SYT13: variants seen among roughly 807,000 people sequenced by gnomAD.
SYT13 encodes synaptotagmin 13, also known as synaptotagmin-13.
A neutral mutation model predicts 38.6 loss-of-function variants in SYT13; 21 were observed. That is an observed-to-expected ratio of 0.54 (90% confidence interval 0.39 to 0.78). The LOEUF is 0.78. Ranked by LOEUF, SYT13 falls within the 30% of genes least tolerant of loss-of-function variation. The probability of loss-of-function intolerance (pLI) is 0.00; values close to 1 mark genes in which losing one functional copy is unlikely to be tolerated. For synonymous variants in SYT13, 241 were observed against 237.6 expected (o/e 1.01, Z -0.13); for missense variants, 495 against 548.7 (o/e 0.90, Z 0.98).
chr11:45,280,343 AGG>A (rs1036717582), intron 1 of SYT13, among the ~76,000 whole-genome samples: 1 of 152,148 alleles, frequency 6.6e-6, no homozygotes, highest in Non-Finnish European at 1.5e-5. Context: ...GAAAGCAAAC[AGG>A]GCCGAAGAAG....
At chr11:45,285,365 G>C (rs76948023) in intron 1 of SYT13, among the ~76,000 whole-genome samples, 1 of 152,164 alleles carries the variant, frequency 6.6e-6, no homozygotes, top group African/African-American at 2.4e-5. Flanking sequence ...AGACATCTTG[G>C]GGGAGGCCAT....
rs542812336 is a variant in SYT13, at chr11:45,246,249, AGCATG to A, written c.976+129_976+133del. 1.4e-4 allele frequency: 182 copies of A among 1,304,798 alleles called. 3 individuals are homozygous for A. The South Asian group carries it at 2.5e-3, about 18-fold the overall frequency. 80.8% of individuals were successfully genotyped at this position (1,304,798 alleles called of 1,614,324 possible). ...GAACTTAGGGTGAAGAACACCGCTGAGCATGGCTCCGTAGATGTGCTCATATTCCA... is the reference window on the plus strand; with the variant it reads ...GAACTTAGGGTGAAGAACACCGCTGAGCTCCGTAGATGTGCTCATATTCCA... On this transcript the variant is annotated intron_variant, in intron 5 of 5. Transcript: ENST00000020926.
At chr11:45,244,394 G>A (rs775859007) in intron 5 of SYT13, 38 bp from the exon 6 acceptor site, 5 of 1,583,136 alleles carry the variant, frequency 3.2e-6, no homozygotes, top group Non-Finnish European at 3.4e-6. Context: ...ACAGAGAGAA[G>A]GGACAAGAGT....
chr11:45,266,823 A>G (rs954351678), intron 1 of SYT13, among the ~76,000 whole-genome samples: 17 of 152,150 alleles, frequency 1.1e-4, no homozygotes, highest in Admixed American at 8.5e-4. Context: ...CACCCAACCA[A>G]TTGTGTCCTA....
intron 2 of SYT13, among the ~76,000 whole-genome samples, chr11:45,255,077 C>T (rs1300492606): frequency 6.6e-6 from 1 of 152,032 alleles, no homozygotes; most frequent in Admixed American, 6.6e-5. Context: ...GATCATGCCA[C>T]TGAACTCCAG....
intron 1 of SYT13, among the ~76,000 whole-genome samples, chr11:45,276,798 C>A (rs1266097444): frequency 1.3e-5 from 2 of 152,012 alleles, no homozygotes; most frequent in African/African-American, 4.8e-5. Context: ...TCATACATTG[C>A]TGGTGGAGAT....
At chr11:45,255,116 A>T (rs369654086) in intron 2 of SYT13, among the ~76,000 whole-genome samples, 230 of 151,928 alleles carry the variant, frequency 1.5e-3, no homozygotes, top group African/African-American at 5.4e-3. Flanking sequence ...ACCCCATCTC[A>T]AAAAAAATGT....
In SYT13 at chr11:45,255,804, C is replaced by T. The variant is rs556474039; in HGVS notation, c.271G>A (p.Ala91Thr). The change falls in exon 2 of 6, where the codon GCT becomes ACT. Residue 91 changes from alanine (A) to threonine (T), a missense_variant. Transcript: ENST00000020926. Reference protein sequence around the residue: ...DIYGPRPAVTAPEVINYADYS... With the variant: ...DIYGPRPAVTTPEVINYADYS... ...TCTGCATAGTTGATGACCTCTGGAG[C>T]CGTCACAGCTGGCCTGGGTCCATAG... is the stretch of plus-strand genomic sequence containing the variant. 6.2e-7 allele frequency: 1 copy of T among 1,614,190 alleles called. No homozygotes were observed. Among genetic ancestry groups the T allele is most frequent in the African/African-American group, 1.3e-5 (1 of 75,044 alleles).
intron 1 of SYT13, among the ~76,000 whole-genome samples, chr11:45,276,836 A>C (rs1272893477): frequency 6.6e-6 from 1 of 152,212 alleles, no homozygotes; most frequent in East Asian, 1.9e-4. Context: ...TGTGGAAAGC[A>C]GTTTAGCGAT....
chr11:45,263,019 A>G (rs555657624), intron 1 of SYT13, among the ~76,000 whole-genome samples: 2 of 152,222 alleles, frequency 1.3e-5, no homozygotes, highest in South Asian at 2.1e-4. Flanking sequence ...GCAGTGACTC[A>G]GTAATGCCCC....
rs765276634 is a variant in SYT13 at position 45,255,903 on chromosome 11, A to G, written c.184-12T>C. 1 of 1,613,600 alleles carries G rather than the reference A, an allele frequency of 6.2e-7. No homozygotes were observed. Among genetic ancestry groups the G allele is most frequent in the Non-Finnish European group, 8.5e-7 (1 of 1,179,666 alleles). On this transcript the variant is annotated splice_polypyrimidine_tract_variant and intron_variant, in intron 1 of 5. Transcript: ENST00000020926. Reference sequence around the variant, plus strand: ...TTTTTAACATTGAACTGCAAACACAAATTACTCTGATTAGTCCACAAAGGA... The same window carrying G: ...TTTTTAACATTGAACTGCAAACACAGATTACTCTGATTAGTCCACAAAGGA...
At chr11:45,264,666 C>T (rs569672319) in intron 1 of SYT13, among the ~76,000 whole-genome samples, 38 of 152,304 alleles carry the variant, frequency 2.5e-4, no homozygotes, top group African/African-American at 8.9e-4. Flanking sequence ...TCTGACCCCA[C>T]AGAAACTGAG....
At chr11:45,262,248 A>G (rs1854825994) in intron 1 of SYT13, among the ~76,000 whole-genome samples, 1 of 152,210 alleles carries the variant, frequency 6.6e-6, no homozygotes, top group African/African-American at 2.4e-5. Context: ...ATTCCACTCA[A>G]ATGAAATACT....
intron 5 of SYT13, among the ~76,000 whole-genome samples, chr11:45,245,773 T>A (rs1854606879): frequency 6.6e-6 from 1 of 152,184 alleles, no homozygotes; most frequent in Middle Eastern, 3.2e-3. Context: ...TTTGGGTATA[T>A]GGGGCACAGA....
chr11:45,259,362 T>C (rs1854789041), intron 1 of SYT13, among the ~76,000 whole-genome samples: 1 of 152,188 alleles, frequency 6.6e-6, no homozygotes, highest in South Asian at 2.1e-4. Context: ...CATTCCCAGT[T>C]TGATGCAATT....
At chr11:45,285,905 C>G in intron 1 of SYT13, 120 bp downstream of exon 1, 1 of 1,420,784 alleles carries the variant, frequency 7.0e-7, no homozygotes, top group Non-Finnish European at 9.6e-7. Context: ...TCTGCTGTCC[C>G]CTCCCCGCCA....
intron 1 of SYT13, chr11:45,269,594 C>A: frequency 1.8e-6 from 1 of 559,774 alleles, no homozygotes; most frequent in Non-Finnish European, 2.7e-6. Flanking sequence ...TCTATATACC[C>A]TAATATTAAC....
At chr11:45,277,004 C>T (rs548914832) in intron 1 of SYT13, among the ~76,000 whole-genome samples, 1 of 152,228 alleles carries the variant, frequency 6.6e-6, no homozygotes, top group East Asian at 1.9e-4. Flanking sequence ...ATCCAAATGT[C>T]CATCAATGGG....
chr11:45,281,334 G>T (rs1025780150), intron 1 of SYT13, among the ~76,000 whole-genome samples: 11 of 152,194 alleles, frequency 7.2e-5, no homozygotes, highest in African/African-American at 2.7e-4. Flanking sequence ...TGTAGAGTTT[G>T]ATCACATGTG....
Sources: gnomAD v4.1 joint callset for allele counts (sites outside exome capture counted in the v4.1 genomes callset) on GRCh38, gnomAD v4.1.1 for gene constraint, MANE v1.5 for transcripts, NCBI Gene and HGNC (gene_info 2026-07-23, HGNC 2026-07-21) for gene names.